The following ITGA9 variants were observed in gnomAD, a reference collection of about 807,000 sequenced individuals.
The protein encoded by ITGA9 is integrin subunit alpha 9.
A neutral mutation model predicts 127.8 loss-of-function variants in ITGA9; 56 were observed. That is an observed-to-expected ratio of 0.44 (90% CI 0.35 to 0.55). The LOEUF (loss-of-function observed/expected upper bound fraction) is 0.55, where lower values mean the gene tolerates loss of function less well. Among genes scored for constraint, ITGA9 ranks in the 20% least tolerant of loss-of-function variants. ITGA9 has a pLI of 0.00. For synonymous variants in ITGA9, 508 were observed against 514.5 expected, an observed-to-expected ratio of 0.99 and a Z score of 0.17; for missense variants, 1,196 against 1,347.1, an observed-to-expected ratio of 0.89 and a Z score of 1.76.
At position 37,583,674 on chromosome 3, in the gene ITGA9, C is replaced by T. The variant is rs575057758; in HGVS notation, c.1689+41089C>T. ...CATGTCTAGCAGGAGGACTTGGATTCGATTTGTTGATCCCTTGGTTTCACA... is the reference window on the plus strand; with the variant it reads ...CATGTCTAGCAGGAGGACTTGGATTTGATTTGTTGATCCCTTGGTTTCACA... On this transcript the variant is annotated intron_variant, in intron 15 of 27. Transcript: ENST00000264741. Among the ~76,000 whole-genome samples, 353 of 152,316 alleles carry T rather than the reference C, an allele frequency of 2.3e-3. 1 individual carries two copies. The highest frequency in any genetic ancestry group is 8.1e-3 in the African/African-American group (335 of 41,570).
chr3:37,815,312 G>C (rs1351529591), intron 27 of ITGA9, among the ~76,000 whole-genome samples: 2 of 152,186 alleles, frequency 1.3e-5, no homozygotes, highest in Non-Finnish European at 2.9e-5. Context: ...AGATGAACAA[G>C]AGAAGTCTGG....
In ITGA9 at chr3:37,452,861, T is replaced by C. The variant is rs1698211500; in HGVS notation, c.185+302T>C. ...AGAGTTGTCTCCTCCGCCGCCCAGC[T>C]AGACTCGGCTTCACTCTCTGAATCG... On this transcript the variant is annotated intron_variant, in intron 1 of 27. Transcript: ENST00000264741. The surrounding 1 kb of genome is among the most constrained non-coding windows in gnomAD (Gnocchi z 7.3). 6.6e-6 allele frequency among the ~76,000 whole-genome samples: 1 copy of C among 152,122 alleles called. No individual in the cohort carries two copies. Among genetic ancestry groups the C allele is most frequent in the Non-Finnish European group, 1.5e-5 (1 of 68,008 alleles).
intron 6 of ITGA9, among the ~76,000 whole-genome samples, chr3:37,505,269 G>A (rs973801049): frequency 6.6e-6 from 1 of 152,174 alleles, no homozygotes; most frequent in Non-Finnish European, 1.5e-5. Flanking sequence ...AAACAGTCAT[G>A]CCTTCTTCAT....
chr3:37,719,061 A>G (rs1701163509), intron 18 of ITGA9, among the ~76,000 whole-genome samples: 1 of 152,192 alleles, frequency 6.6e-6, no homozygotes, highest in Non-Finnish European at 1.5e-5. Flanking sequence ...TTTTAGCAAA[A>G]ACAAAGTGTC....
chr3:37,508,681 G>A, intron 8 of ITGA9, 54 bp downstream of exon 8: 1 of 1,467,778 alleles, frequency 6.8e-7, no homozygotes, highest in South Asian at 1.1e-5. Flanking sequence ...TGATCATGTG[G>A]GAGTCAGTAC....
rs1464712823 is a variant in ITGA9 at position 37,820,999 on chromosome 3, T to C, written c.*2010T>C. On this transcript the variant is annotated 3_prime_UTR_variant, in exon 28 of 28. Transcript: ENST00000264741. Reference sequence around the variant, plus strand: ...AGTTTTGGCAAAATTATGAGGGTGATGGGTGGGTACTAACCTGGCATGGAG... The same window carrying C: ...AGTTTTGGCAAAATTATGAGGGTGACGGGTGGGTACTAACCTGGCATGGAG... 6.6e-6 allele frequency: 1 copy of C among 152,174 alleles called. No individual in the cohort carries two copies. The highest frequency in any genetic ancestry group is 2.4e-5 in the African/African-American group (1 of 41,424). 9.4% of individuals were successfully genotyped at this position (152,174 alleles called of 1,614,324 possible).
intron 16 of ITGA9, among the ~76,000 whole-genome samples, chr3:37,648,876 T>A (rs1301471335): frequency 6.6e-6 from 1 of 152,034 alleles, no homozygotes; most frequent in Non-Finnish European, 1.5e-5. Context: ...AAAACCATTA[T>A]AAGTATTAAC....
At chr3:37,542,959 G>C (rs1699289372) in intron 15 of ITGA9, among the ~76,000 whole-genome samples, 1 of 152,084 alleles carries the variant, frequency 6.6e-6, no homozygotes. Context: ...CACTGCACCT[G>C]ATGCCTTTCT....
At chr3:37,598,481 T>G (rs1449080063) in intron 15 of ITGA9, among the ~76,000 whole-genome samples, 1 of 152,190 alleles carries the variant, frequency 6.6e-6, no homozygotes, top group Non-Finnish European at 1.5e-5. Context: ...ACCTATGATG[T>G]GCAAGGTATT....
At chr3:37,593,548 T>A (rs2125616333) in intron 15 of ITGA9, among the ~76,000 whole-genome samples, 1 of 152,328 alleles carries the variant, frequency 6.6e-6, no homozygotes, top group Non-Finnish European at 1.5e-5. Flanking sequence ...TGCTATGTCC[T>A]CACATGGCAG....
At chr3:37,521,123 G>GA (rs1030458727) in intron 11 of ITGA9, among the ~76,000 whole-genome samples, 20 of 150,292 alleles carry the variant, frequency 1.3e-4, no homozygotes, top group Admixed American at 4.6e-4. Context: ...GGCTCTTAAG[G>GA]AAAAAAAAAG....
chr3:37,731,752 T>C (rs1270074133), intron 18 of ITGA9, among the ~76,000 whole-genome samples: 1 of 152,212 alleles, frequency 6.6e-6, no homozygotes, highest in Non-Finnish European at 1.5e-5. Flanking sequence ...TTATCACCTT[T>C]ATTTTTGGTG....
Position 37,473,438 on chromosome 3 carries a change from C to T in ITGA9, c.398C>T (p.Pro133Leu). The T allele has an allele frequency of 1.9e-6, 3 of 1,613,858 alleles. No individual in the cohort carries two copies. Among genetic ancestry groups the T allele is most frequent in the Non-Finnish European group, 2.5e-6 (3 of 1,179,856 alleles). The change falls in exon 3 of 28, where the codon CCC becomes CTC. Residue 133 changes from proline (P) to leucine (L), a missense_variant. Pro to Leu is a moderately conservative substitution (Grantham distance 98). Transcript: ENST00000264741. ...ATGGGGGTGAGCCTGGCCCGACAGC[C>T]CAAGGCTGATGGCCGTGTGTTGGTA... ...EWMGVSLARQPKADGRVLACA... is the reference protein window; with the variant it reads ...EWMGVSLARQLKADGRVLACA...
At chr3:37,809,093 T>C (rs909704453) in intron 27 of ITGA9, among the ~76,000 whole-genome samples, 5 of 150,828 alleles carry the variant, frequency 3.3e-5, no homozygotes, top group East Asian at 3.9e-4. Context: ...CTTTTCTTTT[T>C]TTTTTTTTTT....
At chr3:37,804,880 A>G (rs905104606) in intron 27 of ITGA9, among the ~76,000 whole-genome samples, 10 of 152,220 alleles carry the variant, frequency 6.6e-5, no homozygotes, top group Non-Finnish European at 1.5e-4. Context: ...AGGAGTTCAC[A>G]TCCCAGAAAT....
chr3:37,642,515 G>T (rs1399451411), intron 16 of ITGA9, among the ~76,000 whole-genome samples: 1 of 152,214 alleles, frequency 6.6e-6, no homozygotes, highest in Non-Finnish European at 1.5e-5. Flanking sequence ...TTCACTAGCA[G>T]ATTCAGCAGA....
intron 15 of ITGA9, among the ~76,000 whole-genome samples, chr3:37,562,723 T>C (rs1453345988): frequency 6.6e-6 from 1 of 152,220 alleles, no homozygotes; most frequent in Admixed American, 6.5e-5. Flanking sequence ...TCCATAGCTC[T>C]CCTGAATCTG....
intron 15 of ITGA9, among the ~76,000 whole-genome samples, chr3:37,595,183 C>G (rs1699857875): frequency 6.6e-6 from 1 of 152,066 alleles, no homozygotes; most frequent in African/African-American, 2.4e-5. Context: ...CCGCTCACTG[C>G]AGCCTCAGCA....
intron 27 of ITGA9, 122 bp downstream of exon 27, chr3:37,804,064 G>T: frequency 7.0e-7 from 1 of 1,433,896 alleles, no homozygotes; most frequent in South Asian, 1.2e-5. Flanking sequence ...TACAGTGAAG[G>T]ACAGTGACCC....
Sources: allele counts gnomAD v4.1 joint callset (sites outside exome capture counted in the v4.1 genomes callset), GRCh38; gene constraint gnomAD v4.1.1; non-coding constraint Gnocchi (gnomAD v3.1); transcripts MANE v1.5; gene names NCBI Gene and HGNC (gene_info 2026-07-23, HGNC 2026-07-21).